The following MAML2 variants were observed in gnomAD, a reference collection of about 807,000 sequenced individuals.
MAML2 encodes the protein mastermind like transcriptional coactivator 2.
MAML2 carries 22 observed loss-of-function variants against 96.1 expected under a neutral mutation model. The ratio of observed to expected loss-of-function variants is 0.23; its 90% CI spans 0.16 to 0.33. The LOEUF is 0.33. Ranked by LOEUF, MAML2 falls within the 10% of genes least tolerant of loss-of-function variation. The probability of loss-of-function intolerance (pLI) is 1.00; values close to 1 mark genes in which losing one functional copy is unlikely to be tolerated. For missense variants in MAML2, 1,367 were observed against 1,392.4 expected (o/e 0.98, Z 0.29); for synonymous variants, 561 against 521.3 (o/e 1.08, Z -1.04).
intron 2 of MAML2, among the ~76,000 whole-genome samples, chr11:96,066,463 A>G (rs918496452): frequency 2.6e-5 from 4 of 152,190 alleles, no homozygotes; most frequent in Non-Finnish European, 5.9e-5. Context: ...GAATAAAATT[A>G]TATAGGTGGA....
chr11:96,051,360 T>G (rs1858987303), intron 2 of MAML2, among the ~76,000 whole-genome samples: 2 of 152,152 alleles, frequency 1.3e-5, no homozygotes, highest in South Asian at 4.1e-4. Context: ...ACCAGATACT[T>G]TGTTAAACCC....
chr11:96,104,962 CT>C (rs888356135), intron 1 of MAML2, among the ~76,000 whole-genome samples: 3 of 152,152 alleles, frequency 2.0e-5, no homozygotes, highest in Non-Finnish European at 4.4e-5. Flanking sequence ...AAATCTCCCC[CT>C]CTCCCAATTT....
intron 1 of MAML2, among the ~76,000 whole-genome samples, chr11:96,208,982 T>G (rs1388452270): frequency 6.6e-6 from 1 of 152,164 alleles, no homozygotes; most frequent in Non-Finnish European, 1.5e-5. Flanking sequence ...CAAAATGTGG[T>G]CCAGAAGACC....
intron 2 of MAML2, among the ~76,000 whole-genome samples, chr11:96,082,006 C>T (rs1011110413): frequency 6.6e-6 from 1 of 152,192 alleles, no homozygotes; most frequent in South Asian, 2.1e-4. Flanking sequence ...ACACCCCCAT[C>T]GCATAACTTC....
chr11:96,038,180 A>G (rs1384278783), intron 2 of MAML2, among the ~76,000 whole-genome samples: 2 of 151,642 alleles, frequency 1.3e-5, no homozygotes, highest in African/African-American at 4.8e-5. Context: ...GTGCATTAGT[A>G]ATGTGTGTTC....
At chr11:96,138,456 T>C (rs1280055649) in intron 1 of MAML2, among the ~76,000 whole-genome samples, 1 of 152,214 alleles carries the variant, frequency 6.6e-6, no homozygotes, top group Admixed American at 6.5e-5. Context: ...GCCTCTTATA[T>C]TGTGTTCCAC....
chr11:96,222,129 C>T (rs75994070), intron 1 of MAML2, among the ~76,000 whole-genome samples: 2,923 of 152,228 alleles, frequency 0.019, 107 homozygotes, highest in African/African-American at 0.067. Flanking sequence ...CAATATCATC[C>T]CGGTCCATCA....
intron 1 of MAML2, among the ~76,000 whole-genome samples, chr11:96,258,208 A>G (rs1223919955): frequency 6.6e-6 from 1 of 152,228 alleles, no homozygotes; most frequent in South Asian, 2.1e-4. Flanking sequence ...ACTTATAAGC[A>G]TATATCATCT....
intron 1 of MAML2, among the ~76,000 whole-genome samples, chr11:96,124,195 T>C (rs1271100084): frequency 6.6e-6 from 1 of 151,474 alleles, no homozygotes; most frequent in African/African-American, 2.4e-5. Context: ...CACTATTTCC[T>C]CTAGGTTCTG....
chr11:96,064,712 G>T (rs1431606651), intron 2 of MAML2, among the ~76,000 whole-genome samples: 2 of 152,232 alleles, frequency 1.3e-5, no homozygotes, highest in Non-Finnish European at 2.9e-5. Flanking sequence ...GCACTTCAGT[G>T]TGTCATAAAA....
intron 2 of MAML2, among the ~76,000 whole-genome samples, chr11:96,076,368 A>G (rs1276474933): frequency 6.6e-6 from 1 of 151,834 alleles, no homozygotes; most frequent in African/African-American, 2.4e-5. Flanking sequence ...TTTAAAATTG[A>G]TTCCATGTGT....
chr11:96,303,738 G>A (rs1449618368), intron 1 of MAML2, among the ~76,000 whole-genome samples: 1 of 152,040 alleles, frequency 6.6e-6, no homozygotes, highest in Non-Finnish European at 1.5e-5. Flanking sequence ...AGTTCTTAAG[G>A]GGCACAAGTG....
chr11:95,981,271 C>A (rs879585575), intron 4 of MAML2, among the ~76,000 whole-genome samples: 1 of 152,170 alleles, frequency 6.6e-6, no homozygotes, highest in Non-Finnish European at 1.5e-5. Context: ...GGAACAAGTG[C>A]CTAAGCCACA....
intron 1 of MAML2, among the ~76,000 whole-genome samples, chr11:96,170,166 G>A (rs1300139912): frequency 6.6e-6 from 1 of 152,132 alleles, no homozygotes; most frequent in Admixed American, 6.5e-5. Flanking sequence ...GCCCAGCATC[G>A]TGCTCACATT....
chr11:96,287,748 C>T (rs914636781), intron 1 of MAML2, among the ~76,000 whole-genome samples: 1 of 152,150 alleles, frequency 6.6e-6, no homozygotes, highest in Non-Finnish European at 1.5e-5. Flanking sequence ...AAGAATCAAG[C>T]ATCAACATTA....
At chr11:96,299,409 T>C (rs1863355337) in intron 1 of MAML2, among the ~76,000 whole-genome samples, 1 of 151,742 alleles carries the variant, frequency 6.6e-6, no homozygotes, top group African/African-American at 2.4e-5. Flanking sequence ...GCCTGGTGGA[T>C]GAAGTCGCAG....
chr11:96,114,797 G>A (rs1406141710), intron 1 of MAML2, among the ~76,000 whole-genome samples: 2 of 152,216 alleles, frequency 1.3e-5, no homozygotes, highest in Admixed American at 1.3e-4. Context: ...CATCTGCTGA[G>A]CTACCATGGC....
rs1216473083 is a variant in MAML2 at position 96,093,308 on chromosome 11, T to C, written c.723A>G (p.Arg241=). ...TATGGGATGGCAGAGTGTTAGTCTT[T>C]CGCAGGGGTGCTTGGCTCATAGGCA... The part of the protein sequence containing the change: ...GTLPMSQAPL[R]KTNTLPSHTH... Residue 241 remains arginine (R), a synonymous_variant, in exon 2 of 5, where the codon CGA becomes CGG. Coordinates refer to ENST00000524717, the MANE Select transcript of MAML2 (RefSeq NM_032427.4). 3 of 1,613,990 alleles carry C rather than the reference T, an allele frequency of 1.9e-6. No homozygotes were observed. Among genetic ancestry groups the C allele is most frequent in the East Asian group, 2.2e-5 (1 of 44,878 alleles).
chr11:96,011,013 T>C (rs678051), intron 2 of MAML2, among the ~76,000 whole-genome samples: 15,708 of 152,206 alleles, frequency 0.1, 1,762 homozygotes, highest in African/African-American at 0.28. Flanking sequence ...TATTCAAAAA[T>C]GGTTATGCTT....
Sources: gnomAD v4.1 joint callset for allele counts (sites outside exome capture counted in the v4.1 genomes callset) on GRCh38, gnomAD v4.1.1 for gene constraint, MANE v1.5 for transcripts, NCBI Gene and HGNC (gene_info 2026-07-23, HGNC 2026-07-21) for gene names.